The following KCNU1 variants were observed in gnomAD, a reference collection of about 807,000 sequenced individuals.
The protein encoded by KCNU1 is potassium channel subfamily U member 1.
KCNU1 carries 93 observed loss-of-function variants against 126.8 expected under a neutral mutation model. The ratio of observed to expected loss-of-function variants is 0.73; its 90% confidence interval spans 0.62 to 0.87. The LOEUF is 0.87. KCNU1 is among the 40% of genes least tolerant of loss of function. The pLI, the probability that KCNU1 is intolerant of heterozygous loss-of-function variation, is 0.00. For missense variants in KCNU1, 1,330 were observed against 1,367.1 expected (o/e 0.97, Z 0.43); for synonymous variants, 523 against 494.2 (o/e 1.06, Z -0.77).
chr8:36,907,483 A>G (rs1807677103), intron 20 of KCNU1, among the ~76,000 whole-genome samples: 1 of 152,168 alleles, frequency 6.6e-6, no homozygotes, highest in Non-Finnish European at 1.5e-5. Flanking sequence ...TCAAGTTAAA[A>G]CTAATCGGAT....
At chr8:36,901,472 GACACGTTCTGCTCATGAGGCA>G (rs1807415910) in intron 19 of KCNU1, among the ~76,000 whole-genome samples, 1 of 152,128 alleles carries the variant, frequency 6.6e-6, no homozygotes, top group Non-Finnish European at 1.5e-5. Context: ...ACGTTCAAGT[GACACGTTCTGCTCATGAGGCA>G]ACACGTTCTG....
intron 2 of KCNU1, among the ~76,000 whole-genome samples, chr8:36,801,245 G>C (rs997724401): frequency 6.6e-6 from 1 of 152,188 alleles, no homozygotes; most frequent in African/African-American, 2.4e-5. Context: ...AAATTCCTCA[G>C]TTAAGGAGTT....
chr8:36,872,952 G>A (rs1008004471), intron 19 of KCNU1, among the ~76,000 whole-genome samples: 5 of 152,012 alleles, frequency 3.3e-5, no homozygotes, highest in South Asian at 2.1e-4. Context: ...ACCCCGTCAC[G>A]CCTGTCATCC....
At chr8:36,919,444 A>AAC (rs1808257881) in intron 23 of KCNU1, among the ~76,000 whole-genome samples, 1 of 151,772 alleles carries the variant, frequency 6.6e-6, no homozygotes, top group Non-Finnish European at 1.5e-5. Flanking sequence ...AAAAAAAAAA[A>AAC]AACTCTCGAA....
chr8:36,897,820 A>T (rs1204825950), intron 19 of KCNU1, among the ~76,000 whole-genome samples: 1 of 152,070 alleles, frequency 6.6e-6, no homozygotes, highest in East Asian at 1.9e-4. Context: ...GAGACTTCTA[A>T]TTTTAACTTT....
intron 18 of KCNU1, among the ~76,000 whole-genome samples, chr8:36,857,697 G>A (rs1047286018): frequency 7.2e-5 from 11 of 152,104 alleles, no homozygotes; most frequent in African/African-American, 2.7e-4. Context: ...ACAGGCTGGA[G>A]TGGAATGGCT....
intron 10 of KCNU1, among the ~76,000 whole-genome samples, chr8:36,832,025 T>C (rs1034977669): frequency 5.3e-5 from 8 of 152,168 alleles, no homozygotes; most frequent in African/African-American, 1.9e-4. Context: ...GGAATCCTTT[T>C]TCCATTGCTT....
At chr8:36,904,547 T>C (rs561641625) in intron 19 of KCNU1, among the ~76,000 whole-genome samples, 1 of 152,296 alleles carries the variant, frequency 6.6e-6, no homozygotes, top group African/African-American at 2.4e-5. Flanking sequence ...TCTTTAAAGC[T>C]TCTGGCAGAG....
intron 18 of KCNU1, among the ~76,000 whole-genome samples, chr8:36,846,264 G>A (rs371692278): frequency 6.6e-6 from 1 of 152,258 alleles, no homozygotes; most frequent in East Asian, 1.9e-4. Context: ...TGAAAATTCA[G>A]CCTATATCTG....
intron 18 of KCNU1, among the ~76,000 whole-genome samples, chr8:36,859,289 A>G (rs1389288589): frequency 6.6e-6 from 1 of 152,228 alleles, no homozygotes; most frequent in Admixed American, 6.5e-5. Context: ...AAATGACAAC[A>G]TAGAAACCTT....
chr8:36,857,396 C>G (rs554267282), intron 18 of KCNU1, among the ~76,000 whole-genome samples: 108 of 152,244 alleles, frequency 7.1e-4, no homozygotes, highest in Non-Finnish European at 1.4e-3. Context: ...GTGTCCCTCA[C>G]AGGGACATAG....
chr8:36,829,964 C>T (rs1804470641), intron 10 of KCNU1, among the ~76,000 whole-genome samples: 1 of 150,240 alleles, frequency 6.7e-6, no homozygotes, highest in Non-Finnish European at 1.5e-5. Flanking sequence ...TATATCTAAC[C>T]ACATAAATTT....
intron 18 of KCNU1, among the ~76,000 whole-genome samples, chr8:36,855,118 T>C (rs1442794464): frequency 6.6e-6 from 1 of 152,136 alleles, no homozygotes; most frequent in Non-Finnish European, 1.5e-5. Flanking sequence ...GATGAGAGCT[T>C]TGGAACTTCT....
chr8:36,905,135 T>G (rs896382444), intron 19 of KCNU1, among the ~76,000 whole-genome samples: 2 of 152,144 alleles, frequency 1.3e-5, no homozygotes, highest in Non-Finnish European at 2.9e-5. Flanking sequence ...ACCATGGGGA[T>G]GACATTGCCA....
chr8:36,879,185 A>G lies in KCNU1; in HGVS notation c.2009+14664A>G, dbSNP rs1369486542. On this transcript the variant is annotated intron_variant, in intron 19 of 26. Coordinates refer to ENST00000399881, the MANE Select transcript of KCNU1 (RefSeq NM_001031836.3). ...TCAAGTACTTGTGCAATTCAGGCATATATGTATGTGTGTGTGTGTGTGTGT... is the reference window on the plus strand; with the variant it reads ...TCAAGTACTTGTGCAATTCAGGCATGTATGTATGTGTGTGTGTGTGTGTGT... 5.7e-5 allele frequency among the ~76,000 whole-genome samples: 7 copies of G among 122,668 alleles called. No homozygotes were observed. The Admixed American group carries it at 6.7e-4, about 12-fold the overall frequency. The allele number at this position is 122,668 out of a possible 152,430, so 80.5% of individuals were successfully genotyped here. A position where few individuals can be genotyped will look rare whatever the true frequency, so the allele number is the denominator to read the frequency against.
intron 10 of KCNU1, among the ~76,000 whole-genome samples, chr8:36,819,072 A>G (rs555877422): frequency 6.6e-6 from 1 of 152,298 alleles, no homozygotes; most frequent in South Asian, 2.1e-4. Flanking sequence ...TGTTGTATGT[A>G]CTTGCCAAGA....
chr8:36,829,287 T>C (rs1433850189), intron 10 of KCNU1, among the ~76,000 whole-genome samples: 3 of 152,024 alleles, frequency 2.0e-5, no homozygotes, highest in Non-Finnish European at 2.9e-5. Context: ...TAGTCAAATA[T>C]TGAATATTTT....
chr8:36,818,616 AC>A (rs1341086595), intron 10 of KCNU1, among the ~76,000 whole-genome samples: 1 of 152,188 alleles, frequency 6.6e-6, no homozygotes, highest in Non-Finnish European at 1.5e-5. Context: ...TAACTTCTTT[AC>A]TTTTCTCAAA....
At chr8:36,910,762 T>G (rs1807839119) in intron 21 of KCNU1, among the ~76,000 whole-genome samples, 168 bp from the exon 22 acceptor site, 1 of 152,156 alleles carries the variant, frequency 6.6e-6, no homozygotes, top group Non-Finnish European at 1.5e-5. Context: ...TAATGTTTGA[T>G]AAGGTTAAAT....
Sources: gnomAD v4.1 joint callset for allele counts (sites outside exome capture counted in the v4.1 genomes callset) on GRCh38, gnomAD v4.1.1 for gene constraint, MANE v1.5 for transcripts, NCBI Gene and HGNC (gene_info 2026-07-23, HGNC 2026-07-21) for gene names.